HYAL4: variants seen among roughly 807,000 people sequenced by gnomAD.
HYAL4 encodes hyaluronidase-4.
In HYAL4, 37 loss-of-function variants were observed where a neutral mutation model predicts 35.2. The ratio of observed to expected loss-of-function variants is 1.05; its 90% CI spans 0.81 to 1.38. The LOEUF is 1.38. Ranked by LOEUF, HYAL4 falls within the 40% of genes most tolerant of loss-of-function variation. HYAL4 has a pLI of 0.00. For synonymous variants in HYAL4, 198 were observed against 203.2 expected, an observed-to-expected ratio of 0.97 and a Z score of 0.22; for missense variants, 572 against 572.4, an observed-to-expected ratio of 1.00 and a Z score of 0.01.
chr7:123,776,787 C>T, the HYAL4 span, among the ~76,000 whole-genome samples: 2 of 152,204 alleles, frequency 1.3e-5, no homozygotes, highest in East Asian at 1.9e-4. Context: ...TGGGGCAGCA[C>T]ACACTACAGC....
At chr7:123,862,739 T>G (rs1806602073) in intron 2 of HYAL4, among the ~76,000 whole-genome samples, 1 of 152,226 alleles carries the variant, frequency 6.6e-6, no homozygotes, top group South Asian at 2.1e-4. Flanking sequence ...CAAGAGCTTT[T>G]TATAGTCTTC....
At chr7:123,846,269 G>A (rs941036152) in intron 1 of HYAL4, among the ~76,000 whole-genome samples, 1 of 151,962 alleles carries the variant, frequency 6.6e-6, no homozygotes. Context: ...CATCAGGGGG[G>A]CAGGGCTAGG....
chr7:123,853,859 G>A (rs1212465936), intron 2 of HYAL4, among the ~76,000 whole-genome samples: 1 of 152,074 alleles, frequency 6.6e-6, no homozygotes, highest in East Asian at 1.9e-4. Context: ...TCTGGTCCTG[G>A]GCTTTTTTTG....
chr7:123,860,557 A>T (rs1013703845), intron 2 of HYAL4, among the ~76,000 whole-genome samples: 11 of 152,236 alleles, frequency 7.2e-5, no homozygotes, highest in African/African-American at 2.7e-4. Flanking sequence ...CCTTATCAAT[A>T]TGTAGAAGAA....
At chr7:123,869,379 C>T in intron 3 of HYAL4, 152 bp downstream of exon 3, 1 of 605,180 alleles carries the variant, frequency 1.7e-6, no homozygotes, top group Non-Finnish European at 2.8e-6. Context: ...CATTTAGACT[C>T]TTCATTTATG....
At chr7:123,813,541 A>G in the HYAL4 span, among the ~76,000 whole-genome samples, 9 of 152,314 alleles carry the variant, frequency 5.9e-5, no homozygotes, top group South Asian at 1.7e-3. Flanking sequence ...AACACAGGGT[A>G]ATTAACATTT....
chr7:123,778,322 A>C, the HYAL4 span, among the ~76,000 whole-genome samples: 89 of 152,330 alleles, frequency 5.8e-4, no homozygotes, highest in African/African-American at 2.0e-3. Context: ...TAAAACGATC[A>C]ATTTCATGAC....
chr7:123,859,982 A>G (rs1043152017), intron 2 of HYAL4, among the ~76,000 whole-genome samples: 6 of 152,140 alleles, frequency 3.9e-5, no homozygotes, highest in African/African-American at 1.4e-4. Context: ...ATCTCAAATT[A>G]TCATCCCATA....
At chr7:123,840,069 A>G (rs1239862089), upstream of HYAL4, among the ~76,000 whole-genome samples, 1 of 152,170 alleles carries the variant, frequency 6.6e-6, no homozygotes, top group Non-Finnish European at 1.5e-5. Flanking sequence ...GCCCATGCCT[A>G]TGGCTTGAAT....
At chr7:123,861,448 G>A (rs968694575) in intron 2 of HYAL4, among the ~76,000 whole-genome samples, 1 of 152,174 alleles carries the variant, frequency 6.6e-6, no homozygotes, top group African/African-American at 2.4e-5. Context: ...TTAAAAATGT[G>A]ATCCTAAGAC....
intron 1 of HYAL4, among the ~76,000 whole-genome samples, chr7:123,838,369 T>C (rs1054864382): frequency 5.9e-5 from 9 of 151,560 alleles, no homozygotes; most frequent in African/African-American, 2.2e-4. Context: ...AATGAAAAAC[T>C]ACTATTACAT....
chr7:123,772,410 C>G, the HYAL4 span, among the ~76,000 whole-genome samples: 1 of 152,082 alleles, frequency 6.6e-6, no homozygotes, highest in South Asian at 2.1e-4. Context: ...ATCATAATAC[C>G]CATATACCTG....
At chr7:123,820,408 A>T in the HYAL4 span, among the ~76,000 whole-genome samples, 2 of 150,912 alleles carry the variant, frequency 1.3e-5, no homozygotes, top group African/African-American at 4.9e-5. Context: ...ACATGGAGAA[A>T]CCCCGTCTCT....
upstream of HYAL4, among the ~76,000 whole-genome samples, chr7:123,840,703 A>G (rs1336703581): frequency 6.6e-6 from 1 of 151,916 alleles, no homozygotes; most frequent in Non-Finnish European, 1.5e-5. Flanking sequence ...GGTCCTTCAC[A>G]TCCCTTGTAA....
At chr7:123,872,498 G>A (rs1225922820) in intron 3 of HYAL4, among the ~76,000 whole-genome samples, 1 of 152,306 alleles carries the variant, frequency 6.6e-6, no homozygotes, top group East Asian at 1.9e-4. Flanking sequence ...GACTGACACC[G>A]AAGTGTTGAG....
At position 123,876,849 on chromosome 7, in the gene HYAL4, C is replaced by G; in HGVS notation, c.1140C>G (p.Leu380=). The stretch of plus-strand genomic sequence containing the variant: ...CTGCTGAGGTATGCAGCCTTCACCT[C>G]TGCAGGAACAATGGCAGGTGCATAA... ...TRAAEVCSLH[L]CRNNGRCIRK... Residue 380 remains leucine (L), a synonymous_variant, in exon 5 of 5, where the codon CTC becomes CTG. Transcript: ENST00000223026. 6.2e-7 allele frequency: 1 copy of G among 1,614,172 alleles called. No homozygotes were observed. Among genetic ancestry groups the G allele is most frequent in the Non-Finnish European group, 8.5e-7 (1 of 1,180,032 alleles).
At chr7:123,806,571 G>C in the HYAL4 span, among the ~76,000 whole-genome samples, 1 of 151,780 alleles carries the variant, frequency 6.6e-6, no homozygotes, top group East Asian at 1.9e-4. Flanking sequence ...AGCCTCCTAA[G>C]TAGCTGGGAT....
the HYAL4 span, among the ~76,000 whole-genome samples, chr7:123,775,637 A>G: frequency 6.6e-6 from 1 of 152,174 alleles, no homozygotes; most frequent in East Asian, 1.9e-4. Context: ...CAAGGACTTG[A>G]TGGACTTGAT....
the HYAL4 span, among the ~76,000 whole-genome samples, chr7:123,795,162 C>T: frequency 5.9e-5 from 9 of 152,246 alleles, no homozygotes; most frequent in Non-Finnish European, 1.0e-4. Context: ...TCACCAATTT[C>T]TTCCATTTGG....
Sources: allele counts gnomAD v4.1 joint callset (sites outside exome capture counted in the v4.1 genomes callset), GRCh38; gene constraint gnomAD v4.1.1; transcripts MANE v1.5; gene names NCBI Gene and HGNC (gene_info 2026-07-23, HGNC 2026-07-21).